TENM3: variants seen among roughly 807,000 people sequenced by gnomAD.
TENM3 encodes teneurin-3.
A neutral mutation model predicts 255.1 loss-of-function variants in TENM3; 63 were observed. That is an observed-to-expected ratio of 0.25 (90% CI 0.20 to 0.30). The LOEUF (loss-of-function observed/expected upper bound fraction) is 0.30, where lower values mean the gene tolerates loss of function less well. TENM3 is among the 10% of genes least tolerant of loss of function. The pLI, the probability that TENM3 is intolerant of heterozygous loss-of-function variation, is 1.00. For synonymous variants in TENM3, 1,306 were observed against 1,322.3 expected, an observed-to-expected ratio of 0.99 and a Z score of 0.27; for missense variants, 2,929 against 3,461.1, an observed-to-expected ratio of 0.85 and a Z score of 3.86.
At chr4:182,720,066 A>T (rs1206184680) in intron 13 of TENM3, among the ~76,000 whole-genome samples, 1 of 152,066 alleles carries the variant, frequency 6.6e-6, no homozygotes, top group Non-Finnish European at 1.5e-5. Context: ...TGTCTCTCAC[A>T]CACACACACA....
the TENM3 span, among the ~76,000 whole-genome samples, chr4:181,974,461 A>C: frequency 6.6e-6 from 1 of 152,074 alleles, no homozygotes; most frequent in African/African-American, 2.4e-5. Context: ...CCAGCTACTC[A>C]GGAGGCTGAG....
At chr4:181,840,275 G>T in the TENM3 span, among the ~76,000 whole-genome samples, 1 of 151,852 alleles carries the variant, frequency 6.6e-6, no homozygotes, top group Non-Finnish European at 1.5e-5. Context: ...AGACATTTTA[G>T]TATACTTATT....
At chr4:182,583,991 A>G (rs1745762014) in intron 3 of TENM3, among the ~76,000 whole-genome samples, 1 of 152,232 alleles carries the variant, frequency 6.6e-6, no homozygotes, top group African/African-American at 2.4e-5. Flanking sequence ...AACAGATTCC[A>G]AATAGATGAT....
the TENM3 span, among the ~76,000 whole-genome samples, chr4:181,725,411 T>C: frequency 9.9e-6 from 1 of 101,230 alleles, no homozygotes; most frequent in Non-Finnish European, 1.9e-5. Flanking sequence ...ATTCACATTC[T>C]TTTTCTTTCT....
the TENM3 span, among the ~76,000 whole-genome samples, chr4:182,059,739 T>A: frequency 1.1e-4 from 12 of 111,304 alleles, no homozygotes; most frequent in East Asian, 2.6e-3. Context: ...TGAGACTCTG[T>A]CTCTACAAAA....
chr4:181,565,170 C>T, the TENM3 span, among the ~76,000 whole-genome samples: 1 of 152,176 alleles, frequency 6.6e-6, no homozygotes, highest in Non-Finnish European at 1.5e-5. Context: ...AAATAATTCC[C>T]TGAGTTAAAG....
chr4:182,044,957 T>C, the TENM3 span, among the ~76,000 whole-genome samples: 2 of 152,164 alleles, frequency 1.3e-5, no homozygotes, highest in Non-Finnish European at 1.5e-5. Context: ...ATTAACAATG[T>C]CAAAAAACAT....
chr4:181,486,212 C>T, the TENM3 span, among the ~76,000 whole-genome samples: 152 of 152,274 alleles, frequency 1.0e-3, 3 homozygotes, highest in South Asian at 0.031. Context: ...CAGAAGGTTG[C>T]AAACCACACA....
At chr4:181,575,375 T>A in the TENM3 span, among the ~76,000 whole-genome samples, 1 of 152,172 alleles carries the variant, frequency 6.6e-6, no homozygotes, top group Non-Finnish European at 1.5e-5. Flanking sequence ...AATAAACAGA[T>A]TTTACAATTC....
At chr4:181,820,949 A>G in the TENM3 span, among the ~76,000 whole-genome samples, 1 of 152,122 alleles carries the variant, frequency 6.6e-6, no homozygotes, top group African/African-American at 2.4e-5. Context: ...GTCTATGTTG[A>G]CACTTTAAAG....
At chr4:182,211,972 C>A (rs768096862) in intron 1 of TENM3, among the ~76,000 whole-genome samples, 1 of 152,180 alleles carries the variant, frequency 6.6e-6, no homozygotes. Flanking sequence ...GAGCCTGGCA[C>A]GTGTGACATA....
At chr4:182,014,726 C>T in the TENM3 span, among the ~76,000 whole-genome samples, 1 of 152,110 alleles carries the variant, frequency 6.6e-6, no homozygotes, top group Non-Finnish European at 1.5e-5. Context: ...AAGCGTTTAG[C>T]CTCACTAAAC....
the TENM3 span, among the ~76,000 whole-genome samples, chr4:181,601,967 C>T: frequency 2.0e-5 from 3 of 149,260 alleles, no homozygotes; most frequent in African/African-American, 4.9e-5. Context: ...TTCTAAGATG[C>T]TTGTCTTTGG....
the TENM3 span, among the ~76,000 whole-genome samples, chr4:181,873,242 A>G: frequency 6.6e-6 from 1 of 151,710 alleles, no homozygotes; most frequent in Non-Finnish European, 1.5e-5. Context: ...TAATTTTTGC[A>G]TTTTTTAGTA....
the TENM3 span, among the ~76,000 whole-genome samples, chr4:182,019,546 T>A: frequency 6.6e-6 from 1 of 152,234 alleles, no homozygotes; most frequent in African/African-American, 2.4e-5. Flanking sequence ...ATATCAGTTC[T>A]GTTATGAAAA....
the TENM3 span, among the ~76,000 whole-genome samples, chr4:182,102,040 C>T: frequency 6.6e-6 from 1 of 152,230 alleles, no homozygotes; most frequent in Non-Finnish European, 1.5e-5. Flanking sequence ...CTCCTAGGGT[C>T]CAGCCACCTG....
At chr4:182,727,078 G>A (rs1760255754) in intron 13 of TENM3, among the ~76,000 whole-genome samples, 1 of 152,134 alleles carries the variant, frequency 6.6e-6, no homozygotes, top group Admixed American at 6.6e-5. Flanking sequence ...TATTTTGTCA[G>A]TTCTCCTAAG....
chr4:181,607,513 C>T, the TENM3 span, among the ~76,000 whole-genome samples: 1 of 151,580 alleles, frequency 6.6e-6, no homozygotes, highest in Non-Finnish European at 1.5e-5. Flanking sequence ...CTCCTGGCTT[C>T]AAACGGTTCT....
chr4:182,370,555 TC>T (rs1002582268), intron 3 of TENM3, among the ~76,000 whole-genome samples: 1 of 152,206 alleles, frequency 6.6e-6, no homozygotes, highest in African/African-American at 2.4e-5. Flanking sequence ...CAATAACATT[TC>T]CCCTTTCTCT....
Sources: gnomAD v4.1 joint callset for allele counts (sites outside exome capture counted in the v4.1 genomes callset) on GRCh38, gnomAD v4.1.1 for gene constraint, MANE v1.5 for transcripts, NCBI Gene and HGNC (gene_info 2026-07-23, HGNC 2026-07-21) for gene names.